Variants in CTCF observed in about 807,000 individuals in gnomAD.
CTCF encodes the protein CCCTC-binding factor, also known as transcriptional repressor CTCF.
In CTCF, 7 loss-of-function variants were observed where a neutral mutation model predicts 72.3. That is an observed-to-expected ratio of 0.10 (90% CI 0.06 to 0.18). The LOEUF is 0.18. CTCF is among the 10% of genes least tolerant of loss of function. The pLI, the probability that CTCF is intolerant of heterozygous loss-of-function variation, is 1.00. For missense variants in CTCF, 516 were observed against 949.1 expected (o/e 0.54, Z 6.00); for synonymous variants, 374 against 315.8 (o/e 1.18, Z -1.95).
intron 2 of CTCF, among the ~76,000 whole-genome samples, chr16:67,576,003 A>AAAAAAAAT (rs2051491103): frequency 6.6e-6 from 1 of 151,176 alleles, no homozygotes; most frequent in East Asian, 1.9e-4. Context: ...AAAAAAAAAA[A>AAAAAAAAT]AAAAAAATGT....
At chr16:67,569,851 A>G (rs1042095140) in intron 1 of CTCF, among the ~76,000 whole-genome samples, 2 of 151,596 alleles carry the variant, frequency 1.3e-5, no homozygotes, top group East Asian at 2.0e-4. Flanking sequence ...ACGCCTGGCT[A>G]ATTTTTGTAT....
At chr16:67,604,014 C>T (rs940035962) in intron 2 of CTCF, among the ~76,000 whole-genome samples, 5 of 150,428 alleles carry the variant, frequency 3.3e-5, no homozygotes, top group African/African-American at 1.2e-4. Flanking sequence ...CCTGTAGTCC[C>T]AGCTACTCGG....
intron 7 of CTCF, among the ~76,000 whole-genome samples, chr16:67,624,417 T>G (rs2052253922): frequency 6.6e-6 from 1 of 152,078 alleles, no homozygotes; most frequent in African/African-American, 2.4e-5. Context: ...AGAGATGACT[T>G]GATCTGTTAG....
At chr16:67,632,613 C>G (rs1001245399) in intron 10 of CTCF, among the ~76,000 whole-genome samples, 1 of 151,032 alleles carries the variant, frequency 6.6e-6, no homozygotes, top group Non-Finnish European at 1.5e-5. Flanking sequence ...ACCACCAAGC[C>G]AATAAGCCTT....
At chr16:67,575,906 G>A (rs774645546) in intron 2 of CTCF, among the ~76,000 whole-genome samples, 5 of 150,986 alleles carry the variant, frequency 3.3e-5, no homozygotes, top group African/African-American at 7.3e-5. Flanking sequence ...ACAAGGTCTC[G>A]TTGCATGTTG....
chr16:67,606,863 A>G (rs906844700), intron 2 of CTCF, among the ~76,000 whole-genome samples: 1 of 151,520 alleles, frequency 6.6e-6, no homozygotes, highest in African/African-American at 2.4e-5. Flanking sequence ...CCAGGCTTCA[A>G]GCAATTCTCG....
At position 67,639,150 on chromosome 16, in the gene CTCF, T is replaced by C. The variant is rs1261145580; in HGVS notation, c.*1278T>C. 5.2e-6 allele frequency: 1 copy of C among 190,696 alleles called. No individual in the cohort carries two copies. Among genetic ancestry groups the C allele is most frequent in the East Asian group, 8.3e-5 (1 of 12,044 alleles). 11.8% of individuals were successfully genotyped at this position (190,696 alleles called of 1,614,324 possible). The stretch of plus-strand genomic sequence containing the variant: ...GGAGGAGGATCTACTGCTGTACAGC[T>C]AATAAATCATAACGGATTAACAAGT... On this transcript the variant is annotated 3_prime_UTR_variant, in exon 12 of 12. Coordinates refer to ENST00000264010, the MANE Select transcript of CTCF (RefSeq NM_006565.4).
At chr16:67,581,912 T>G (rs2051587903) in intron 2 of CTCF, among the ~76,000 whole-genome samples, 1 of 152,118 alleles carries the variant, frequency 6.6e-6, no homozygotes, top group Non-Finnish European at 1.5e-5. Context: ...GTGAGCCACC[T>G]CACACAGCCT....
At chr16:67,592,988 T>C (rs2051765628) in intron 2 of CTCF, among the ~76,000 whole-genome samples, 1 of 151,626 alleles carries the variant, frequency 6.6e-6, no homozygotes, top group East Asian at 1.9e-4. Flanking sequence ...ATCGCGCCAC[T>C]GCATTCCAGC....
intron 2 of CTCF, among the ~76,000 whole-genome samples, chr16:67,581,169 C>T (rs1266153725): frequency 6.6e-6 from 1 of 151,628 alleles, no homozygotes; most frequent in Non-Finnish European, 1.5e-5. Context: ...ACCTCCTGAT[C>T]CACCTGCCTC....
At chr16:67,599,276 T>C (rs1007880841) in intron 2 of CTCF, among the ~76,000 whole-genome samples, 1 of 152,154 alleles carries the variant, frequency 6.6e-6, no homozygotes, top group Non-Finnish European at 1.5e-5. Context: ...GCGCTGGTAG[T>C]CCCAGCTGCT....
intron 2 of CTCF, among the ~76,000 whole-genome samples, chr16:67,571,940 T>C (rs886303590): frequency 6.6e-6 from 1 of 152,110 alleles, no homozygotes; most frequent in Non-Finnish European, 1.5e-5. Flanking sequence ...AACAACAAAG[T>C]GGGATTCTGG....
rs1254912000 is a variant in CTCF at position 67,611,223 on chromosome 16, G to A, written c.391G>A (p.Val131Ile). 3.7e-6 allele frequency: 6 copies of A among 1,614,056 alleles called. No individual in the cohort carries two copies. The highest frequency in any genetic ancestry group is 5.1e-6 in the Non-Finnish European group (6 of 1,180,040). The change falls in exon 3 of 12, where the codon GTA becomes ATA. Residue 131 changes from valine (V) to isoleucine (I), a missense_variant. By Grantham distance (29) the Val-to-Ile change is conservative (BLOSUM62 3). Around this residue, in one of 7 missense-constraint regions of CTCF, gnomAD observed 148 missense variants for 194.9 expected, o/e 0.76. Coordinates refer to ENST00000264010, the MANE Select transcript of CTCF (RefSeq NM_006565.4). ...PVTVPVATTS[V>I]EELQGAYENE... ...GACTGTACCTGTTGCTACCACTTCAGTAGAAGAACTTCAGGGGGCTTATGA... is the reference window on the plus strand; with the variant it reads ...GACTGTACCTGTTGCTACCACTTCAATAGAAGAACTTCAGGGGGCTTATGA...
intron 2 of CTCF, among the ~76,000 whole-genome samples, chr16:67,597,729 G>C (rs1449706521): frequency 6.6e-6 from 1 of 152,072 alleles, no homozygotes; most frequent in African/African-American, 2.4e-5. Flanking sequence ...CTGTTTTTCT[G>C]GTACCTTTTA....
chr16:67,565,410 C>T (rs1421819515), intron 1 of CTCF, among the ~76,000 whole-genome samples: 2 of 152,064 alleles, frequency 1.3e-5, no homozygotes, highest in Non-Finnish European at 2.9e-5. Flanking sequence ...AGCGGTGGCT[C>T]ACGCCTGTAA....
intron 2 of CTCF, among the ~76,000 whole-genome samples, chr16:67,597,946 G>C (rs1414396044): frequency 6.6e-6 from 1 of 152,040 alleles, no homozygotes; most frequent in African/African-American, 2.4e-5. Flanking sequence ...TTTGGGGCTG[G>C]AGGGGAAGGG....
chr16:67,597,430 C>T (rs1322771244), intron 2 of CTCF, among the ~76,000 whole-genome samples: 2 of 152,108 alleles, frequency 1.3e-5, no homozygotes, highest in African/African-American at 2.4e-5. Context: ...ACCTCCACCT[C>T]CTGGGTTCAA....
At chr16:67,587,625 AACTTCAAGGCTT>A (rs1195310366) in intron 2 of CTCF, among the ~76,000 whole-genome samples, 11 of 151,902 alleles carry the variant, frequency 7.2e-5, no homozygotes, top group Non-Finnish European at 1.0e-4. Flanking sequence ...ATAGAAGTGA[AACTTCAAGGCTT>A]ACTCTGCTTG....
intron 8 of CTCF, 31 bp downstream of exon 8, chr16:67,626,746 T>G (rs1328058788): frequency 1.5e-6 from 2 of 1,375,798 alleles, no homozygotes. Context: ...TTGTTGGTGC[T>G]TTCTCGGTGT....
Sources: allele counts gnomAD v4.1 joint callset (sites outside exome capture counted in the v4.1 genomes callset), GRCh38; gene constraint gnomAD v4.1.1; regional missense constraint gnomAD v4.1.1; transcripts MANE v1.5; gene names NCBI Gene and HGNC (gene_info 2026-07-23, HGNC 2026-07-21).